The following LMO7 variants were observed in gnomAD, a reference collection of about 807,000 sequenced individuals.
LMO7 encodes the protein LIM domain only protein 7.
A neutral mutation model predicts 206.5 loss-of-function variants in LMO7; 120 were observed. That is an observed-to-expected ratio of 0.58 (90% CI 0.50 to 0.68). LMO7 has a LOEUF of 0.68. Among genes scored for constraint, LMO7 ranks in the 30% least tolerant of loss-of-function variants. The pLI is 0.00. For synonymous variants in LMO7, 706 were observed against 681.5 expected, an observed-to-expected ratio of 1.04 and a Z score of -0.56; for missense variants, 1,959 against 1,957.9, an observed-to-expected ratio of 1.00 and a Z score of -0.01.
chr13:75,696,983 G>T (rs184668301), intron 1 of LMO7, among the ~76,000 whole-genome samples: 6 of 152,166 alleles, frequency 3.9e-5, no homozygotes, highest in South Asian at 2.1e-4. Context: ...CCACATTTTT[G>T]ATCTTTCCCA....
upstream of LMO7, among the ~76,000 whole-genome samples, chr13:75,633,840 CCTTTTT>C (rs1431702882): frequency 0.23 from 25,124 of 108,982 alleles, 2,419 homozygotes; most frequent in East Asian, 0.48. Flanking sequence ...CGTGTCTTTT[CCTTTTT>C]TTTTTTTTTT....
chr13:75,702,728 G>T (rs2042362488), intron 1 of LMO7, among the ~76,000 whole-genome samples: 1 of 152,200 alleles, frequency 6.6e-6, no homozygotes, highest in South Asian at 2.1e-4. Context: ...TCCAAGAATT[G>T]CTTCATTTTA....
chr13:75,737,857 A>C (rs1252195444), intron 3 of LMO7, among the ~76,000 whole-genome samples: 9 of 145,010 alleles, frequency 6.2e-5, no homozygotes, highest in Non-Finnish European at 1.2e-4. Context: ...AAAAAAAAAA[A>C]AAAAAAACAC....
At chr13:75,816,980 C>T (rs143511762) in intron 11 of LMO7, 181 bp from the exon 12 acceptor site, 57 of 459,330 alleles carry the variant, frequency 1.2e-4, no homozygotes, top group African/African-American at 9.0e-4. Flanking sequence ...CACTCGAGTG[C>T]TCTTGTTTCT....
At chr13:75,674,742 A>T (rs1310980909) in intron 1 of LMO7, among the ~76,000 whole-genome samples, 1 of 152,252 alleles carries the variant, frequency 6.6e-6, no homozygotes, top group Non-Finnish European at 1.5e-5. Context: ...GTGGAATACA[A>T]TGGTGTCTCA....
intron 3 of LMO7, among the ~76,000 whole-genome samples, chr13:75,731,305 G>T (rs2045187079): frequency 6.6e-6 from 1 of 152,118 alleles, no homozygotes; most frequent in South Asian, 2.1e-4. Flanking sequence ...TTATGAGTCT[G>T]GGTGCTCCTG....
chr13:75,846,032 A>G (rs1424801276), intron 26 of LMO7, among the ~76,000 whole-genome samples: 1 of 152,146 alleles, frequency 6.6e-6, no homozygotes, highest in Non-Finnish European at 1.5e-5. Context: ...GCCACTGCCC[A>G]GCTCCAGCCT....
intron 16 of LMO7, 103 bp from the exon 17 acceptor site, chr13:75,834,123 G>T (rs2058925414): frequency 2.5e-6 from 2 of 799,008 alleles, no homozygotes; most frequent in African/African-American, 3.5e-5. Flanking sequence ...AGAGAGAAAT[G>T]GTTAATTGAA....
chr13:75,779,048 T>G (rs1016485692), intron 4 of LMO7, among the ~76,000 whole-genome samples: 1 of 152,084 alleles, frequency 6.6e-6, no homozygotes, highest in Non-Finnish European at 1.5e-5. Flanking sequence ...TGATGAGAGT[T>G]TTCAGGAAAG....
intron 1 of LMO7, among the ~76,000 whole-genome samples, chr13:75,650,404 A>G (rs2037441716): frequency 6.6e-6 from 1 of 152,002 alleles, no homozygotes; most frequent in Non-Finnish European, 1.5e-5. Context: ...CTGGGATTAC[A>G]GGCGTGAGTC....
rs533406464 is a variant in LMO7 at position 75,848,115 on chromosome 13, A to T, written c.4151-964A>T. Among the ~76,000 whole-genome samples, 5 of 152,144 alleles carry T rather than the reference A, an allele frequency of 3.3e-5. No individual in the cohort carries two copies. The East Asian group carries it at 9.7e-4, about 29-fold the overall frequency. ...TGGGGAACAGGTGGTATTTGGTTAC[A>T]TGAGTAAGTTCTTTAGTGGTGATTT... On this transcript the variant is annotated intron_variant, in intron 26 of 30. Transcript: ENST00000377534.
At position 75,681,685 on chromosome 13, in the gene LMO7, C is replaced by CATGT. The variant is rs376640750; in HGVS notation, c.70-31480_70-31477dup. 4.4e-3 allele frequency among the ~76,000 whole-genome samples: 486 copies of CATGT among 110,374 alleles called. 5 individuals carry two copies. The highest frequency in any genetic ancestry group is 0.014 in the African/African-American group (460 of 32,326). 72.4% of individuals were successfully genotyped at this position (110,374 alleles called of 152,430 possible). A position where few individuals can be genotyped will look rare whatever the true frequency, so the allele number is the denominator to read the frequency against. ...TGTAGTTTTGTCTTTTGGGGAATGTCATGTATGTATGTATGTATGTGTATA... is the reference window on the plus strand; with the variant it reads ...TGTAGTTTTGTCTTTTGGGGAATGTCATGTATGTATGTATGTATGTATGTGTATA... On this transcript the variant is annotated intron_variant, in intron 1 of 30. Transcript: ENST00000377534.
Position 75,804,361 on chromosome 13 carries a change from G to T in LMO7, c.734G>T (p.Arg245Leu), listed in dbSNP as rs765556451. Reference sequence around the variant, plus strand: ...TATAATAAAGATGATATGTCGTATCGAAGGATTTCGGCTGTTGAGCCAAAG... The same window carrying T: ...TATAATAAAGATGATATGTCGTATCTAAGGATTTCGGCTGTTGAGCCAAAG... ...QDYNKDDMSY[R>L]RISAVEPKTA... The change falls in exon 8 of 31, where the codon CGA becomes CTA. Residue 245 changes from arginine (R) to leucine (L), a missense_variant. By Grantham distance (102) the Arg-to-Leu change is moderately radical. Coordinates refer to ENST00000377534, the MANE Select transcript of LMO7 (RefSeq NM_001306080.2). 6.2e-6 allele frequency: 10 copies of T among 1,613,982 alleles called. No homozygotes were observed. Among genetic ancestry groups the T allele is most frequent in the African/African-American group, 1.3e-5 (1 of 74,908 alleles).
chr13:75,633,207 C>T (rs2035227644), upstream of LMO7, among the ~76,000 whole-genome samples: 1 of 152,080 alleles, frequency 6.6e-6, no homozygotes, highest in Admixed American at 6.6e-5. Flanking sequence ...AAATATCTTT[C>T]CATTTTCTTT....
At chr13:75,718,367 A>G (rs1000297022) in intron 2 of LMO7, among the ~76,000 whole-genome samples, 1 of 152,178 alleles carries the variant, frequency 6.6e-6, no homozygotes, top group Admixed American at 6.5e-5. Context: ...TATCACTCTT[A>G]TTTACCTGAG....
At chr13:75,718,116 A>T (rs571183946) in intron 2 of LMO7, among the ~76,000 whole-genome samples, 2 of 152,336 alleles carry the variant, frequency 1.3e-5, no homozygotes, top group African/African-American at 2.4e-5. Context: ...TGGCATTTGC[A>T]TGCCTTTTTA....
At chr13:75,676,705 T>A (rs2040044436) in intron 1 of LMO7, among the ~76,000 whole-genome samples, 2 of 152,336 alleles carry the variant, frequency 1.3e-5, no homozygotes, top group South Asian at 4.1e-4. Flanking sequence ...GAGAAGGCAT[T>A]GCATTATTAA....
chr13:75,723,402 T>C (rs938046824), intron 2 of LMO7, among the ~76,000 whole-genome samples: 2 of 152,204 alleles, frequency 1.3e-5, no homozygotes, highest in South Asian at 4.1e-4. Context: ...TGTATTGATA[T>C]GTTGTTCAAT....
chr13:75,802,584 G>A (rs779004954), intron 7 of LMO7, among the ~76,000 whole-genome samples: 1 of 152,154 alleles, frequency 6.6e-6, no homozygotes, highest in African/African-American at 2.4e-5. Context: ...AATCTAAGTC[G>A]TCTTCTCAGA....
Sources: gnomAD v4.1 joint callset for allele counts (sites outside exome capture counted in the v4.1 genomes callset) on GRCh38, gnomAD v4.1.1 for gene constraint, MANE v1.5 for transcripts, NCBI Gene and HGNC (gene_info 2026-07-23, HGNC 2026-07-21) for gene names.